The following TULP4 variants were observed in gnomAD, a reference collection of about 807,000 sequenced individuals.
TULP4 encodes the protein TUB like protein 4, also known as tubby-related protein 4.
TULP4 carries 16 observed loss-of-function variants against 129.0 expected under a neutral mutation model. The observed-to-expected ratio is 0.12, with a 90% confidence interval of 0.08 to 0.19. The LOEUF (loss-of-function observed/expected upper bound fraction) is 0.19, where lower values mean the gene tolerates loss of function less well. TULP4 is among the 10% of genes least tolerant of loss of function. The pLI is 1.00. For missense variants in TULP4, 1,842 were observed against 2,059.1 expected (o/e 0.89, Z 2.04); for synonymous variants, 998 against 854.0 (o/e 1.17, Z -2.94).
In TULP4 at chr6:158,502,048, C is replaced by G. The variant is rs373496007; in HGVS notation, c.2385C>G (p.His795Gln). The G allele has an allele frequency of 1.2e-6, 2 of 1,613,530 alleles. No individual in the cohort carries two copies. ...LSTVGHGDRD[H>Q]EHLQKSAKAL... ...CGGTGGGCCATGGAGACCGAGACCA[C>G]GAACACCTGCAGAAGTCAGCCAAGG... is the stretch of plus-strand genomic sequence containing the variant. Residue 795 changes from histidine to glutamine, a missense_variant, in exon 13 of 14, where the codon CAC becomes CAG. His to Gln is a conservative substitution (Grantham distance 24). Transcript: ENST00000367097.
intron 2 of TULP4, among the ~76,000 whole-genome samples, chr6:158,414,273 T>C (rs1190927031): frequency 6.6e-6 from 1 of 152,192 alleles, no homozygotes; most frequent in African/African-American, 2.4e-5. Context: ...CCCTTGACCA[T>C]TAACTGGCCT....
rs753010332 is a variant in TULP4 at position 158,352,006 on chromosome 6, G to A, written c.252+37738G>A. Among the ~76,000 whole-genome samples, 18 of 152,052 alleles carry A rather than the reference G, an allele frequency of 1.2e-4. No individual in the cohort carries two copies. In the South Asian group the frequency reaches 1.4e-3, roughly 12 times the overall value. ...CAAAGTGCTGGGATTACAGGCGTGAGCTACCACACCCAGCCCCATTATTTG... is the reference window on the plus strand; with the variant it reads ...CAAAGTGCTGGGATTACAGGCGTGAACTACCACACCCAGCCCCATTATTTG... On this transcript the variant is annotated intron_variant, in intron 1 of 13. Coordinates refer to ENST00000367097, the MANE Select transcript of TULP4 (RefSeq NM_020245.5).
chr6:158,446,281 A>G (rs1779039740), intron 3 of TULP4, among the ~76,000 whole-genome samples: 2 of 152,216 alleles, frequency 1.3e-5, no homozygotes, highest in South Asian at 4.1e-4. Context: ...TCATTGCTTG[A>G]TAATTAAACT....
chr6:158,242,333 CA>C, intron 1 of TULP4: 2 of 1,538,828 alleles, frequency 1.3e-6, no homozygotes, highest in Non-Finnish European at 1.8e-6. Context: ...TCTCTGGAGC[CA>C]CTTTTTCCCA....
At chr6:158,392,790 A>ATTTTTTTTTTT (rs1554286987) in intron 1 of TULP4, among the ~76,000 whole-genome samples, 6 of 38,620 alleles carry the variant, frequency 1.6e-4, no homozygotes, top group Non-Finnish European at 1.7e-4. Flanking sequence ...TTAAATTTGT[A>ATTTTTTTTTTT]TTTCTTTTTT....
intron 8 of TULP4, among the ~76,000 whole-genome samples, chr6:158,487,058 G>A (rs1446071388): frequency 6.6e-6 from 1 of 152,178 alleles, no homozygotes; most frequent in East Asian, 1.9e-4. Flanking sequence ...GTGCAGCCTG[G>A]CCAACATGGT....
chr6:158,428,857 T>G (rs1778562629), intron 2 of TULP4, among the ~76,000 whole-genome samples: 2 of 152,230 alleles, frequency 1.3e-5, no homozygotes, highest in Non-Finnish European at 2.9e-5. Flanking sequence ...CTGAGTCTTC[T>G]CTGTAGATGA....
intron 1 of TULP4, among the ~76,000 whole-genome samples, chr6:158,386,583 T>C (rs549162002): frequency 6.6e-6 from 1 of 152,378 alleles, no homozygotes; most frequent in African/African-American, 2.4e-5. Context: ...GTAACTGTTA[T>C]ATGTAAGAAA....
In TULP4 at chr6:158,502,945, G is replaced by A. The variant is rs997046286; in HGVS notation, c.3282G>A (p.Leu1094=). 1.2e-6 allele frequency: 2 copies of A among 1,613,870 alleles called. No individual in the cohort carries two copies. The highest frequency in any genetic ancestry group is 1.7e-6 in the Non-Finnish European group (2 of 1,180,004). Residue 1094 remains leucine, a synonymous_variant, in exon 13 of 14, where the codon CTG becomes CTA. Transcript: ENST00000367097. ...VNSAFTEDEA[L]SQHCQLEKPL... ...CGGCCTTCACGGAGGACGAGGCCCT[G>A]TCCCAGCACTGTCAGCTTGAGAAGC...
Position 158,503,317 on chromosome 6 carries a change from T to A in TULP4, c.3654T>A (p.Phe1218Leu). ...SPKDALSPTQFAQQEPAVVLQ... is the reference protein window; with the variant it reads ...SPKDALSPTQLAQQEPAVVLQ... The stretch of plus-strand genomic sequence containing the variant: ...AAGATGCCCTGTCCCCAACGCAGTT[T>A]GCACAACAGGAGCCTGCTGTGGTCC... The change falls in exon 13 of 14, where the codon TTT becomes TTA. Residue 1218 changes from phenylalanine to leucine, a missense_variant. By Grantham distance (22) the Phe-to-Leu change is conservative. Coordinates refer to ENST00000367097, the MANE Select transcript of TULP4 (RefSeq NM_020245.5). This position sits in a 1 kb window ranked among gnomAD's most constrained non-coding sequence, Gnocchi z 4.3. 6.2e-7 allele frequency: 1 copy of A among 1,613,726 alleles called. No individual in the cohort carries two copies. The highest frequency in any genetic ancestry group is 1.3e-5 in the African/African-American group (1 of 74,998).
At chr6:158,385,341 C>G (rs961346885) in intron 1 of TULP4, among the ~76,000 whole-genome samples, 2 of 152,184 alleles carry the variant, frequency 1.3e-5, no homozygotes, top group Non-Finnish European at 2.9e-5. Flanking sequence ...GTCAGGGCAT[C>G]CAGCGTGGTG....
At chr6:158,302,112 A>G (rs911009677) in intron 1 of TULP4, among the ~76,000 whole-genome samples, 10 of 152,220 alleles carry the variant, frequency 6.6e-5, no homozygotes, top group Non-Finnish European at 1.5e-4. Flanking sequence ...AGCGATTAAT[A>G]TATCATCAAT....
intron 1 of TULP4, chr6:158,238,048 G>T (rs1777754418): frequency 1.4e-6 from 1 of 703,232 alleles, no homozygotes; most frequent in African/African-American, 1.8e-5. Flanking sequence ...GATAGCTTGT[G>T]TGAAGACATC....
intron 1 of TULP4, among the ~76,000 whole-genome samples, chr6:158,267,257 T>G (rs1778462420): frequency 6.6e-6 from 1 of 152,238 alleles, no homozygotes; most frequent in African/African-American, 2.4e-5. Context: ...CCCATTCATC[T>G]GTTGATGGAC....
intron 1 of TULP4, among the ~76,000 whole-genome samples, chr6:158,275,757 A>G (rs1266732716): frequency 6.6e-6 from 1 of 152,220 alleles, no homozygotes; most frequent in African/African-American, 2.4e-5. Flanking sequence ...TAGTAAATAA[A>G]CAATAACTTA....
intron 4 of TULP4, among the ~76,000 whole-genome samples, chr6:158,450,919 G>C (rs974616384): frequency 6.6e-6 from 1 of 151,982 alleles, no homozygotes; most frequent in Non-Finnish European, 1.5e-5. Context: ...AAAAAAATTA[G>C]CCAAGCATGG....
At chr6:158,302,168 A>C (rs1215327920) in intron 1 of TULP4, among the ~76,000 whole-genome samples, 2 of 152,210 alleles carry the variant, frequency 1.3e-5, no homozygotes, top group Non-Finnish European at 2.9e-5. Context: ...AAAGTAGTGA[A>C]AGCACCTGTC....
intron 1 of TULP4, among the ~76,000 whole-genome samples, chr6:158,336,535 T>A (rs1194257941): frequency 6.6e-6 from 1 of 152,196 alleles, no homozygotes; most frequent in Non-Finnish European, 1.5e-5. Context: ...CCATATTTTC[T>A]TGTAGCTTAG....
At position 158,493,214 on chromosome 6, in the gene TULP4, C is replaced by T. The variant is rs1442267688; in HGVS notation, c.1632-359C>T. ...GTATATTTTGAGATGGGGTCTTGCT[C>T]TGTCATCCAGGCTCAAGTGGAGTTG... On this transcript the variant is annotated intron_variant, in intron 9 of 13. Coordinates refer to ENST00000367097, the MANE Select transcript of TULP4 (RefSeq NM_020245.5). This position sits in a 1 kb window ranked among gnomAD's most constrained non-coding sequence, Gnocchi z 4.4. Among the ~76,000 whole-genome samples the T allele has an allele frequency of 6.6e-6, 1 of 152,160 alleles. No individual in the cohort carries two copies. The highest frequency in any genetic ancestry group is 1.5e-5 in the Non-Finnish European group (1 of 68,026).
Sources: gnomAD v4.1 joint callset for allele counts (sites outside exome capture counted in the v4.1 genomes callset) on GRCh38, gnomAD v4.1.1 for gene constraint, Gnocchi (gnomAD v3.1) non-coding constraint, MANE v1.5 for transcripts, NCBI Gene and HGNC (gene_info 2026-07-23, HGNC 2026-07-21) for gene names.